The following STPG2 variants were observed in gnomAD, a reference collection of about 807,000 sequenced individuals.
STPG2 encodes sperm-tail PG-rich repeat-containing protein 2.
In STPG2, 56 loss-of-function variants were observed where a neutral mutation model predicts 54.2. That is an observed-to-expected ratio of 1.03 (90% confidence interval 0.83 to 1.29). The LOEUF is 1.29. STPG2 is among the 50% of genes most tolerant of loss of function. The pLI is 0.00. For synonymous variants in STPG2, 200 were observed against 181.8 expected (o/e 1.10, Z -0.81); for missense variants, 596 against 544.9 (o/e 1.09, Z -0.93).
intron 1 of STPG2, among the ~76,000 whole-genome samples, chr4:98,141,300 A>G (rs560715685): frequency 1.3e-5 from 2 of 152,306 alleles, no homozygotes; most frequent in East Asian, 3.9e-4. Flanking sequence ...TCAACACTCT[A>G]TAGAGAATAC....
At chr4:97,682,254 G>T (rs2148980224) in intron 10 of STPG2, among the ~76,000 whole-genome samples, 1 of 151,872 alleles carries the variant, frequency 6.6e-6, no homozygotes, top group East Asian at 1.9e-4. Context: ...AACATACTGT[G>T]ATAGCTTAGA....
intron 9 of STPG2, among the ~76,000 whole-genome samples, chr4:97,742,549 GTGTGTGTGTGTGTGTGTC>G (rs1467961440): frequency 7.0e-6 from 1 of 143,304 alleles, no homozygotes; most frequent in African/African-American, 2.6e-5. Flanking sequence ...GTGTGTGTGT[GTGTGTGTGTGTGTGTGTC>G]TATATATATA....
intron 10 of STPG2, among the ~76,000 whole-genome samples, chr4:97,648,412 T>G (rs1379484722): frequency 6.6e-6 from 1 of 152,120 alleles, no homozygotes; most frequent in Admixed American, 6.5e-5. Flanking sequence ...AGTGAACGAA[T>G]AAATGTACCT....
chr4:97,626,867 A>G (rs1734150157), intron 10 of STPG2, among the ~76,000 whole-genome samples: 1 of 152,100 alleles, frequency 6.6e-6, no homozygotes. Flanking sequence ...ATAGAAATGC[A>G]ATTGCTTTTT....
intron 9 of STPG2, among the ~76,000 whole-genome samples, chr4:97,741,759 G>A (rs1725243998): frequency 6.6e-6 from 1 of 151,648 alleles, no homozygotes; most frequent in Non-Finnish European, 1.5e-5. Context: ...CTTTTACACT[G>A]TTGGTGGGAC....
At chr4:97,606,494 T>C (rs572602807) in intron 10 of STPG2, among the ~76,000 whole-genome samples, 1 of 151,766 alleles carries the variant, frequency 6.6e-6, no homozygotes, top group African/African-American at 2.4e-5. Flanking sequence ...GAGAGAGAGA[T>C]AGATCAAGTT....
chr4:97,898,812 C>G (rs112803392), intron 8 of STPG2, among the ~76,000 whole-genome samples: 1 of 151,448 alleles, frequency 6.6e-6, no homozygotes. Flanking sequence ...AAATGATGAG[C>G]AAAATTCGTA....
intron 3 of STPG2, among the ~76,000 whole-genome samples, chr4:98,122,195 C>T (rs937767896): frequency 6.6e-6 from 1 of 152,178 alleles, no homozygotes; most frequent in Non-Finnish European, 1.5e-5. Flanking sequence ...CTTTATGTCT[C>T]TCTCTTGCCT....
At chr4:97,857,002 T>A (rs1042709863) in intron 8 of STPG2, among the ~76,000 whole-genome samples, 7 of 152,162 alleles carry the variant, frequency 4.6e-5, no homozygotes, top group Non-Finnish European at 1.0e-4. Context: ...ATCCCAGAAA[T>A]GAAGCCAACT....
intron 5 of STPG2, among the ~76,000 whole-genome samples, chr4:98,030,168 A>G (rs1736549559): frequency 6.6e-6 from 1 of 152,188 alleles, no homozygotes; most frequent in African/African-American, 2.4e-5. Flanking sequence ...ATACCAGACT[A>G]TGTTGTTTTG....
chr4:97,682,402 C>T (rs11936066), intron 10 of STPG2, among the ~76,000 whole-genome samples: 1 of 151,590 alleles, frequency 6.6e-6, no homozygotes, highest in African/African-American at 2.4e-5. Flanking sequence ...ATCACAAAGA[C>T]AACCATGTAA....
At chr4:97,634,965 G>A (rs1443638778) in intron 10 of STPG2, among the ~76,000 whole-genome samples, 5 of 152,260 alleles carry the variant, frequency 3.3e-5, no homozygotes, top group South Asian at 2.1e-4. Flanking sequence ...GCAGGCCAAT[G>A]TTCAGATTCA....
At chr4:97,885,523 A>G (rs533851814) in intron 8 of STPG2, among the ~76,000 whole-genome samples, 1 of 152,350 alleles carries the variant, frequency 6.6e-6, no homozygotes, top group East Asian at 1.9e-4. Flanking sequence ...AATCCAGGAT[A>G]CCTAGTGTTT....
At chr4:98,086,632 A>T (rs2110121626) in intron 5 of STPG2, among the ~76,000 whole-genome samples, 1 of 141,220 alleles carries the variant, frequency 7.1e-6, no homozygotes, top group South Asian at 2.3e-4. Flanking sequence ...AGACAAATAG[A>T]AACCTGTTAT....
chr4:97,820,610 C>T (rs2149104317), intron 9 of STPG2, among the ~76,000 whole-genome samples: 1 of 152,194 alleles, frequency 6.6e-6, no homozygotes, highest in East Asian at 1.9e-4. Context: ...AAAAATATAC[C>T]TGAGACTGTG....
chr4:97,653,090 AGAT>A (rs1196954093), intron 10 of STPG2, among the ~76,000 whole-genome samples: 7 of 142,412 alleles, frequency 4.9e-5, no homozygotes, highest in African/African-American at 1.6e-4. Context: ...GATGATTGAT[AGAT>A]GATAGATAGA....
At chr4:97,998,865 C>A (rs1446622629) in intron 5 of STPG2, among the ~76,000 whole-genome samples, 1 of 152,144 alleles carries the variant, frequency 6.6e-6, no homozygotes, top group African/African-American at 2.4e-5. Context: ...GTTCCATGCA[C>A]ATGTCAGTGG....
intron 8 of STPG2, among the ~76,000 whole-genome samples, chr4:97,844,605 G>T (rs554032084): frequency 6.6e-6 from 1 of 151,862 alleles, no homozygotes; most frequent in South Asian, 2.1e-4. Context: ...TGTCACCTTT[G>T]TTCTCTTTCA....
chr4:97,775,139 T>A (rs1726336331), intron 9 of STPG2, among the ~76,000 whole-genome samples: 1 of 152,086 alleles, frequency 6.6e-6, no homozygotes, highest in African/African-American at 2.4e-5. Context: ...TAGAAAGGAA[T>A]GTAAAGCATA....
Sources: allele counts gnomAD v4.1 joint callset (sites outside exome capture counted in the v4.1 genomes callset), GRCh38; gene constraint gnomAD v4.1.1; transcripts MANE v1.5; gene names NCBI Gene and HGNC (gene_info 2026-07-23, HGNC 2026-07-21).